Variants in TENT4A observed in about 807,000 individuals in gnomAD.
The protein encoded by TENT4A is terminal nucleotidyltransferase 4A.
Under a neutral mutation model 72.8 loss-of-function variants are expected in TENT4A, and 7 were observed. That is an observed-to-expected ratio of 0.10 (90% CI 0.05 to 0.18). The LOEUF (loss-of-function observed/expected upper bound fraction) is 0.18, where lower values mean the gene tolerates loss of function less well. Among genes scored for constraint, TENT4A ranks in the 10% least tolerant of loss-of-function variants. TENT4A has a pLI of 1.00. For missense variants in TENT4A, 831 were observed against 1,017.7 expected, an observed-to-expected ratio of 0.82 and a Z score of 2.50; for synonymous variants, 456 against 434.3, an observed-to-expected ratio of 1.05 and a Z score of -0.62.
intron 3 of TENT4A, among the ~76,000 whole-genome samples, chr5:6,739,256 CT>C (rs1561037670): frequency 6.6e-6 from 1 of 152,194 alleles, no homozygotes; most frequent in Non-Finnish European, 1.5e-5. Context: ...TATTAACCCA[CT>C]GCTAGTTAGC....
intron 1 of TENT4A, among the ~76,000 whole-genome samples, chr5:6,737,168 C>G (rs1196419473): frequency 6.6e-6 from 1 of 152,262 alleles, no homozygotes; most frequent in Non-Finnish European, 1.5e-5. Context: ...GTGTGCCTAA[C>G]TGTGCCACAT....
intron 11 of TENT4A, 35 bp downstream of exon 11, chr5:6,751,232 C>G: frequency 6.2e-7 from 1 of 1,609,782 alleles, no homozygotes; most frequent in Non-Finnish European, 8.5e-7. Flanking sequence ...CCGCTGGTGG[C>G]CCCTGGGAAC....
chr5:6,749,685 C>T (rs368099543), intron 9 of TENT4A, 28 bp downstream of exon 9: 81 of 1,418,666 alleles, frequency 5.7e-5, no homozygotes, highest in Non-Finnish European at 8.1e-5. Context: ...TTGTGTTCAT[C>T]CTAACCACTG....
chr5:6,736,410 CCTGTTTTGTCTT>C, intron 1 of TENT4A, among the ~76,000 whole-genome samples: 1 of 152,268 alleles, frequency 6.6e-6, no homozygotes, highest in South Asian at 2.1e-4. Flanking sequence ...GTTCGTTGGC[CCTGTTTTGTCTT>C]CTGCTGTTTG....
chr5:6,754,291 C>G (rs939573952), intron 12 of TENT4A, among the ~76,000 whole-genome samples: 2 of 152,176 alleles, frequency 1.3e-5, no homozygotes, highest in Admixed American at 6.5e-5. Context: ...GCCTCAGCTT[C>G]TTGAGTAGCT....
At chr5:6,723,984 C>T (rs115862541) in intron 1 of TENT4A, among the ~76,000 whole-genome samples, 3,120 of 152,320 alleles carry the variant, frequency 0.02, 37 homozygotes, top group Non-Finnish European at 0.029. Context: ...CATCTGACGG[C>T]AGTTGAAAGA....
chr5:6,751,211 T>G lies in TENT4A; in HGVS notation c.2019+14T>G. 6.2e-7 allele frequency: 1 copy of G among 1,614,096 alleles called. No homozygotes were observed. Among genetic ancestry groups the G allele is most frequent in the Admixed American group, 1.7e-5 (1 of 60,028 alleles). On this transcript the variant is annotated intron_variant, in intron 11 of 12. Transcript: ENST00000230859. ...ACCAACAATCAGGTACGTGGCCCTC[T>G]GGCACCCTTCCCGCTGGTGGCCCCT...
At chr5:6,714,863 G>A (rs1740285139) in intron 1 of TENT4A, 164 bp downstream of exon 1, 1 of 308,752 alleles carries the variant, frequency 3.2e-6, no homozygotes. Flanking sequence ...TTAAACATCA[G>A]ACTCATTTAT....
chr5:6,730,755 T>TA (rs5865676), intron 1 of TENT4A, among the ~76,000 whole-genome samples: 44,509 of 130,014 alleles, frequency 0.34, 7,703 homozygotes, highest in South Asian at 0.45. Flanking sequence ...AGCCTTAATT[T>TA]AAAAAAAAAA....
chr5:6,721,668 G>A (rs1740661855), intron 1 of TENT4A, among the ~76,000 whole-genome samples: 1 of 152,220 alleles, frequency 6.6e-6, no homozygotes, highest in Non-Finnish European at 1.5e-5. Flanking sequence ...CCCGGGCGGG[G>A]TGGATCTCTG....
At chr5:6,743,948 T>G (rs1162557043) in intron 6 of TENT4A, 108 bp downstream of exon 6, 2 of 960,720 alleles carry the variant, frequency 2.1e-6, no homozygotes, top group African/African-American at 3.3e-5. Context: ...TTTTACTGTA[T>G]TGTTTCAATT....
At chr5:6,715,297 T>C (rs562696475) in intron 1 of TENT4A, among the ~76,000 whole-genome samples, 1 of 152,338 alleles carries the variant, frequency 6.6e-6, no homozygotes, top group South Asian at 2.1e-4. Flanking sequence ...GTCATATATG[T>C]CTATTCTTTG....
At chr5:6,744,765 G>A (rs1741995850) in intron 6 of TENT4A, among the ~76,000 whole-genome samples, 1 of 152,202 alleles carries the variant, frequency 6.6e-6, no homozygotes, top group Non-Finnish European at 1.5e-5. Context: ...CCTCTGAGAT[G>A]TGGCCCTTAT....
intron 1 of TENT4A, among the ~76,000 whole-genome samples, chr5:6,725,770 C>A (rs10512882): frequency 0.045 from 6,870 of 152,254 alleles, 206 homozygotes; most frequent in South Asian, 0.097. Context: ...GGACCTCTCT[C>A]TCTAGGCTCG....
chr5:6,754,496 G>A (rs1453643024), intron 12 of TENT4A, among the ~76,000 whole-genome samples: 5 of 152,186 alleles, frequency 3.3e-5, no homozygotes, highest in Admixed American at 1.3e-4. Flanking sequence ...CTATGGATAA[G>A]TGGAACAAGT....
At chr5:6,725,860 A>C (rs1421813754) in intron 1 of TENT4A, among the ~76,000 whole-genome samples, 2 of 152,210 alleles carry the variant, frequency 1.3e-5, no homozygotes, top group East Asian at 1.9e-4. Context: ...CAAATTATTA[A>C]TTTTGCTTGA....
At position 6,755,716 on chromosome 5, in the gene TENT4A, C is replaced by T. The variant is rs959355626; in HGVS notation, c.*771C>T. The T allele has an allele frequency of 6.6e-6, 1 of 152,302 alleles. No individual in the cohort carries two copies. The highest frequency in any genetic ancestry group is 2.4e-5 in the African/African-American group (1 of 41,472). The allele number at this position is 152,302 out of a possible 1,614,324, so 9.4% of individuals were successfully genotyped here. On this transcript the variant is annotated 3_prime_UTR_variant, in exon 13 of 13. Transcript: ENST00000230859. ...TCCAAAGGGCTTGGCTCCAGAGCCA[C>T]CTGGCAGACTGCCCGTGGCCCTGCT... is the stretch of plus-strand genomic sequence containing the variant.
At chr5:6,754,156 T>C (rs1009923156) in intron 12 of TENT4A, among the ~76,000 whole-genome samples, 3 of 152,196 alleles carry the variant, frequency 2.0e-5, no homozygotes, top group Non-Finnish European at 4.4e-5. Flanking sequence ...GGGAAGAACA[T>C]GACAGGGACC....
chr5:6,738,829 C>A, intron 3 of TENT4A, 100 bp downstream of exon 3: 3 of 853,652 alleles, frequency 3.5e-6, no homozygotes, highest in Admixed American at 2.0e-5. Context: ...GAGTCTAAGG[C>A]GAGAAATGCC....
Sources: gnomAD v4.1 joint callset for allele counts (sites outside exome capture counted in the v4.1 genomes callset) on GRCh38, gnomAD v4.1.1 for gene constraint, MANE v1.5 for transcripts, NCBI Gene and HGNC (gene_info 2026-07-23, HGNC 2026-07-21) for gene names.